BCAR3: variants seen among roughly 807,000 people sequenced by gnomAD.
The protein encoded by BCAR3 is breast cancer anti-estrogen resistance protein 3.
Under a neutral mutation model 80.1 loss-of-function variants are expected in BCAR3, and 37 were observed. The ratio of observed to expected loss-of-function variants is 0.46; its 90% CI spans 0.36 to 0.61. The LOEUF (loss-of-function observed/expected upper bound fraction) is 0.61, where lower values mean the gene tolerates loss of function less well. BCAR3 is among the 20% of genes least tolerant of loss of function. The pLI, the probability that BCAR3 is intolerant of heterozygous loss-of-function variation, is 0.00. For missense variants in BCAR3, 978 were observed against 1,068.2 expected (o/e 0.92, Z 1.18); for synonymous variants, 389 against 418.9 (o/e 0.93, Z 0.87).
chr1:93,829,257 T>C (rs1162372666), intron 2 of BCAR3, among the ~76,000 whole-genome samples: 1 of 152,004 alleles, frequency 6.6e-6, no homozygotes, highest in Non-Finnish European at 1.5e-5. Context: ...CCCTAGTCTT[T>C]TATTATGCAA....
At position 93,562,159 on chromosome 1, in the gene BCAR3, A is replaced by G. The variant is rs1672700278; in HGVS notation, c.*82T>C. 2 of 1,424,706 alleles carry G rather than the reference A, an allele frequency of 1.4e-6. No individual in the cohort carries two copies. Among genetic ancestry groups the G allele is most frequent in the African/African-American group, 1.4e-5 (1 of 69,930 alleles). 88.3% of individuals were successfully genotyped at this position (1,424,706 alleles called of 1,614,324 possible). ...TATATTGTCAGATTTGCACATTATT[A>G]CTTTATCAAAAACAGTAAGCTTTCC... On this transcript the variant is annotated 3_prime_UTR_variant, in exon 12 of 12. Transcript: ENST00000260502.
At chr1:93,595,243 C>T (rs138574677) in intron 3 of BCAR3, among the ~76,000 whole-genome samples, 122 of 152,222 alleles carry the variant, frequency 8.0e-4, no homozygotes, top group African/African-American at 2.7e-3. Flanking sequence ...CCTTTAAGCT[C>T]TTGCATATTT....
At chr1:93,693,014 TGTCCTAGCGCC>T (rs1438147788) in intron 3 of BCAR3, among the ~76,000 whole-genome samples, 1 of 152,138 alleles carries the variant, frequency 6.6e-6, no homozygotes, top group African/African-American at 2.4e-5. Flanking sequence ...TTCACAGGTG[TGTCCTAGCGCC>T]GTCCTGGGGC....
rs577194551 is a variant in BCAR3, at chr1:93,754,683, T to C, written c.-62-48541A>G. Reference sequence around the variant, plus strand: ...GTGCAGTGCATTCCTCACATGTTTGTGGTGATGCTGGTGTAAACAAACATA... The same window carrying C: ...GTGCAGTGCATTCCTCACATGTTTGCGGTGATGCTGGTGTAAACAAACATA... On this transcript the variant is annotated intron_variant, in intron 2 of 13. Coordinates refer to the BCAR3 transcript ENST00000370244. 4.5e-4 allele frequency among the ~76,000 whole-genome samples: 68 copies of C among 152,298 alleles called. 1 individual carries two copies. In the South Asian group the frequency reaches 0.013, roughly 30 times the overall value.
chr1:93,567,556 G>A, intron 10 of BCAR3, 65 bp from the exon 11 acceptor site: 1 of 1,554,612 alleles, frequency 6.4e-7, no homozygotes, highest in Non-Finnish European at 8.8e-7. Flanking sequence ...AGAATGAGGT[G>A]ACTCATAGCC....
intron 2 of BCAR3, among the ~76,000 whole-genome samples, chr1:93,665,951 G>T (rs1647888219): frequency 6.6e-6 from 1 of 151,996 alleles, no homozygotes; most frequent in Admixed American, 6.6e-5. Flanking sequence ...AGCAGATATG[G>T]CAGACTGTAC....
At chr1:93,768,495 T>C (rs1032635231) in intron 2 of BCAR3, among the ~76,000 whole-genome samples, 10 of 152,080 alleles carry the variant, frequency 6.6e-5, no homozygotes, top group Non-Finnish European at 1.2e-4. Context: ...TGTGGGAGGA[T>C]GCCAGGAAAA....
chr1:93,634,585 C>T (rs1675719542), intron 3 of BCAR3, among the ~76,000 whole-genome samples: 1 of 152,076 alleles, frequency 6.6e-6, no homozygotes, highest in East Asian at 1.9e-4. Flanking sequence ...ATCCCAGCTA[C>T]TTGGGAAGCT....
At chr1:93,764,635 G>A (rs899878780) in intron 2 of BCAR3, among the ~76,000 whole-genome samples, 2 of 152,028 alleles carry the variant, frequency 1.3e-5, no homozygotes, top group Non-Finnish European at 2.9e-5. Context: ...TCGCTACCAG[G>A]AGACCTGGCT....
At chr1:93,629,757 C>T (rs555931992) in intron 3 of BCAR3, among the ~76,000 whole-genome samples, 56 of 152,250 alleles carry the variant, frequency 3.7e-4, no homozygotes, top group African/African-American at 1.3e-3. Flanking sequence ...ACAAGATCTC[C>T]CAAAGAGTAG....
intron 3 of BCAR3, among the ~76,000 whole-genome samples, chr1:93,705,037 T>C (rs970790477): frequency 2.6e-5 from 4 of 152,224 alleles, no homozygotes; most frequent in Non-Finnish European, 5.9e-5. Context: ...ATCTTTTCTA[T>C]ACATTGTTAT....
At chr1:93,827,562 G>GC (rs1362516167) in intron 2 of BCAR3, among the ~76,000 whole-genome samples, 1 of 152,058 alleles carries the variant, frequency 6.6e-6, no homozygotes, top group African/African-American at 2.4e-5. Flanking sequence ...CTCTTATTCA[G>GC]CCCCTAATTT....
intron 3 of BCAR3, among the ~76,000 whole-genome samples, chr1:93,604,936 A>C (rs1460229305): frequency 6.6e-6 from 1 of 152,138 alleles, no homozygotes; most frequent in Non-Finnish European, 1.5e-5. Context: ...GAGTTTGCCC[A>C]TCATGTTTCT....
chr1:93,669,428 G>A (rs1648098495), intron 2 of BCAR3, among the ~76,000 whole-genome samples: 1 of 152,182 alleles, frequency 6.6e-6, no homozygotes, highest in Admixed American at 6.5e-5. Context: ...CTGGGAAAAT[G>A]TACTGCTCAT....
At chr1:93,699,286 G>C (rs1286763199) in intron 3 of BCAR3, among the ~76,000 whole-genome samples, 6 of 152,196 alleles carry the variant, frequency 3.9e-5, no homozygotes, top group Admixed American at 3.9e-4. Context: ...CCCTTCGGGG[G>C]AGAGAAACCC....
At chr1:93,675,925 CAAAAAA>C (rs58706715) in intron 1 of BCAR3, among the ~76,000 whole-genome samples, 1,974 of 51,394 alleles carry the variant, frequency 0.038, 48 homozygotes, top group African/African-American at 0.097. Flanking sequence ...AAATAGGAGA[CAAAAAA>C]AAAAAAAAAA....
intron 3 of BCAR3, among the ~76,000 whole-genome samples, chr1:93,691,569 G>T (rs780810352): frequency 3.9e-5 from 6 of 152,144 alleles, no homozygotes; most frequent in Non-Finnish European, 8.8e-5. Flanking sequence ...GTGGTGGGAG[G>T]GGCCAGATTA....
rs3767994 is a variant in BCAR3 at position 93,652,757 on chromosome 1, C to A, written c.318-10414G>T. Among the ~76,000 whole-genome samples, 129 of 152,298 alleles carry A rather than the reference C, an allele frequency of 8.5e-4. 2 individuals carry two copies. The East Asian group carries it at 0.02, about 24-fold the overall frequency. On this transcript the variant is annotated intron_variant, in intron 2 of 11. Transcript: ENST00000260502. ...TGGCAGGCACCTCGGCCCCTCCTGG[C>A]AGGCACGCTGCCCCACTGTGAATGG...
At chr1:93,597,497 C>T (rs1477752133) in intron 3 of BCAR3, among the ~76,000 whole-genome samples, 1 of 152,198 alleles carries the variant, frequency 6.6e-6, no homozygotes, top group Non-Finnish European at 1.5e-5. Flanking sequence ...TGCCACGCAC[C>T]TGCTGTGTGG....
Sources: allele counts gnomAD v4.1 joint callset (sites outside exome capture counted in the v4.1 genomes callset), GRCh38; gene constraint gnomAD v4.1.1; transcripts MANE v1.5; gene names NCBI Gene and HGNC (gene_info 2026-07-23, HGNC 2026-07-21).